SYT16: variants seen among roughly 807,000 people sequenced by gnomAD.
SYT16 encodes the protein synaptotagmin 16, also known as synaptotagmin-16.
SYT16 carries 42 observed loss-of-function variants against 61.4 expected under a neutral mutation model. That is an observed-to-expected ratio of 0.68 (90% CI 0.53 to 0.89). SYT16 has a LOEUF of 0.89. Among genes scored for constraint, SYT16 ranks in the 40% least tolerant of loss-of-function variants. The pLI is 0.00. For missense variants in SYT16, 804 were observed against 807.3 expected (o/e 1.00, Z 0.05); for synonymous variants, 314 against 302.3 (o/e 1.04, Z -0.40).
intron 6 of SYT16, among the ~76,000 whole-genome samples, chr14:62,083,699 G>T (rs548209977): frequency 6.6e-6 from 1 of 152,288 alleles, no homozygotes; most frequent in East Asian, 1.9e-4. Context: ...GGAGCCAAAT[G>T]TTCTATGTGG....
intron 3 of SYT16, among the ~76,000 whole-genome samples, chr14:62,026,627 C>A (rs763267067): frequency 2.0e-5 from 3 of 152,174 alleles, no homozygotes; most frequent in Non-Finnish European, 4.4e-5. Context: ...CAAACCATAG[C>A]CCCCATTTTC....
intron 3 of SYT16, among the ~76,000 whole-genome samples, chr14:62,044,179 G>T (rs970765343): frequency 6.7e-6 from 1 of 150,250 alleles, no homozygotes; most frequent in African/African-American, 2.4e-5. Context: ...CAGCCTGGGT[G>T]ACAGAGCAAG....
In SYT16 at chr14:62,100,834, T is replaced by C. The variant is rs1278106946; in HGVS notation, c.*127T>C. ...GATTCCACTAACCCCTAGGACATTG[T>C]GAGTGGGAGTTTTGGGTTTCTCAAT... On this transcript the variant is annotated 3_prime_UTR_variant, in exon 8 of 8. Transcript: ENST00000683842. 1 of 936,538 alleles carries C rather than the reference T, an allele frequency of 1.1e-6. No homozygotes were observed. Among genetic ancestry groups the C allele is most frequent in the Non-Finnish European group, 1.6e-6 (1 of 642,768 alleles). The allele number at this position is 936,538 out of a possible 1,614,324, so 58.0% of individuals were successfully genotyped here. A position where few individuals can be genotyped will look rare whatever the true frequency, so the allele number is the denominator to read the frequency against.
rs543695049 is a variant in SYT16, at chr14:62,103,541, A to G, written c.*2834A>G. The stretch of plus-strand genomic sequence containing the variant: ...GAATTGAGAAATCCTGATTTCACCA[A>G]TTACGGTGGTGGCTGTTGTACTCTC... On this transcript the variant is annotated 3_prime_UTR_variant, in exon 8 of 8. Coordinates refer to ENST00000683842, the MANE Select transcript of SYT16 (RefSeq NM_001367656.1). 2 of 152,204 alleles carry G rather than the reference A, an allele frequency of 1.3e-5. No individual in the cohort carries two copies. The highest frequency in any genetic ancestry group is 6.5e-5 in the Admixed American group (1 of 15,276). 9.4% of individuals were successfully genotyped at this position (152,204 alleles called of 1,614,324 possible). A position where few individuals can be genotyped will look rare whatever the true frequency, so the allele number is the denominator to read the frequency against.
intron 1 of SYT16, among the ~76,000 whole-genome samples, chr14:61,967,718 A>G (rs528065695): frequency 6.6e-6 from 1 of 152,212 alleles, no homozygotes; most frequent in African/African-American, 2.4e-5. Context: ...TTACATCTTC[A>G]AAGACCTTTA....
At chr14:62,064,334 G>GAAAAAAAAAAAAAAAAAAAA (rs781727444) in intron 3 of SYT16, among the ~76,000 whole-genome samples, 4 of 42,988 alleles carry the variant, frequency 9.3e-5, no homozygotes, top group Admixed American at 3.3e-4. Flanking sequence ...CTTTAAATTT[G>GAAAAAAAAAAAAAAAAAAAA]AAAAAAAAAA....
chr14:62,098,649 A>G (rs1376888655), intron 7 of SYT16, among the ~76,000 whole-genome samples: 1 of 152,210 alleles, frequency 6.6e-6, no homozygotes, highest in African/African-American at 2.4e-5. Context: ...ATTCATTACA[A>G]AATATTTATT....
chr14:61,980,710 G>A (rs1334913790), intron 2 of SYT16, among the ~76,000 whole-genome samples: 1 of 152,074 alleles, frequency 6.6e-6, no homozygotes, highest in Admixed American at 6.6e-5. Context: ...CATGCTTTTG[G>A]TGAAGACAGG....
chr14:62,023,656 A>G (rs2053993769), intron 3 of SYT16, among the ~76,000 whole-genome samples: 1 of 152,130 alleles, frequency 6.6e-6, no homozygotes. Flanking sequence ...TCTCTCAAGG[A>G]TCATAGATTC....
rs1771177606 is a variant in SYT16 at position 62,107,690 on chromosome 14, G to A, written c.*6983G>A. 1 of 152,148 alleles carries A rather than the reference G, an allele frequency of 6.6e-6. No individual in the cohort carries two copies. The highest frequency in any genetic ancestry group is 1.5e-5 in the Non-Finnish European group (1 of 68,032). The allele number at this position is 152,148 out of a possible 1,614,324, so 9.4% of individuals were successfully genotyped here. The stretch of plus-strand genomic sequence containing the variant: ...GAAAGGCAGAAGATTTAGGGAAGGT[G>A]AAAGTTATTACCCTGTATCTAATTA... On this transcript the variant is annotated 3_prime_UTR_variant, in exon 8 of 8. Coordinates refer to ENST00000683842, the MANE Select transcript of SYT16 (RefSeq NM_001367656.1).
chr14:61,998,694 A>G (rs2052869808), intron 3 of SYT16, among the ~76,000 whole-genome samples: 1 of 151,906 alleles, frequency 6.6e-6, no homozygotes, highest in Admixed American at 6.6e-5. Context: ...GGCTTCTATT[A>G]TCATGTTAAA....
At chr14:61,854,948 T>G (rs981217658) in intron 1 of SYT16, among the ~76,000 whole-genome samples, 3 of 152,186 alleles carry the variant, frequency 2.0e-5, no homozygotes, top group Admixed American at 2.0e-4. Context: ...ATCTTTCTTT[T>G]GCTTGTCTCA....
chr14:62,034,040 A>G (rs986516726), intron 3 of SYT16, among the ~76,000 whole-genome samples: 1 of 152,196 alleles, frequency 6.6e-6, no homozygotes, highest in Non-Finnish European at 1.5e-5. Flanking sequence ...TGGGCAGAGA[A>G]CTTGAATATG....
intron 5 of SYT16, among the ~76,000 whole-genome samples, chr14:62,075,610 AAAAAAAAAAG>A (rs2056464605): frequency 1.7e-5 from 2 of 116,560 alleles, no homozygotes; most frequent in South Asian, 5.4e-4. Context: ...ACGGTAAAAA[AAAAAAAAAAG>A]AAAAAAAGAA....
Position 62,069,692 on chromosome 14 carries a change from T to C in SYT16, c.613T>C (p.Ser205Pro). ...ACAATTTGAGATTTCCGTGTCCCGG[T>C]CCCAGAGTTTCCGTTCAGTGACATC... is the stretch of plus-strand genomic sequence containing the variant. ...IKQFEISVSR[S>P]QSFRSVTSEK... The change falls in exon 4 of 8, where the codon TCC becomes CCC. Residue 205 changes from serine (S) to proline (P), a missense_variant. Physicochemically the swap from Ser to Pro is moderately conservative, Grantham distance 74. Transcript: ENST00000683842. 8 of 1,613,956 alleles carry C rather than the reference T, an allele frequency of 5.0e-6. No homozygotes were observed. The highest frequency in any genetic ancestry group is 6.8e-6 in the Non-Finnish European group (8 of 1,179,870).
intron 1 of SYT16, among the ~76,000 whole-genome samples, chr14:61,893,103 A>T (rs1292402724): frequency 6.6e-6 from 1 of 152,142 alleles, no homozygotes; most frequent in African/African-American, 2.4e-5. Flanking sequence ...CACACTTCCC[A>T]TTAACTGGAA....
intron 3 of SYT16, among the ~76,000 whole-genome samples, chr14:62,039,878 C>T (rs982857856): frequency 9.0e-4 from 61 of 68,024 alleles, no homozygotes; most frequent in African/African-American, 2.2e-3. Context: ...CACACACACA[C>T]GCACATACAC....
At chr14:62,035,200 A>G (rs1407371692) in intron 3 of SYT16, among the ~76,000 whole-genome samples, 2 of 152,148 alleles carry the variant, frequency 1.3e-5, no homozygotes, top group East Asian at 3.8e-4. Flanking sequence ...GACTCCCCTT[A>G]AATCCAATTT....
intron 3 of SYT16, among the ~76,000 whole-genome samples, chr14:62,058,810 G>A (rs2055687765): frequency 6.6e-6 from 1 of 152,160 alleles, no homozygotes; most frequent in Admixed American, 6.5e-5. Flanking sequence ...GCAAAGACAT[G>A]GAATCAGCCT....
Sources: allele counts gnomAD v4.1 joint callset (sites outside exome capture counted in the v4.1 genomes callset), GRCh38; gene constraint gnomAD v4.1.1; transcripts MANE v1.5; gene names NCBI Gene and HGNC (gene_info 2026-07-23, HGNC 2026-07-21).